Variants in KMT2D observed in about 807,000 individuals in gnomAD.
The protein encoded by KMT2D is lysine methyltransferase 2D, also known as histone-lysine N-methyltransferase 2D.
A neutral mutation model predicts 512.7 loss-of-function variants in KMT2D; 55 were observed. That is an observed-to-expected ratio of 0.11 (90% CI 0.09 to 0.13). The LOEUF (loss-of-function observed/expected upper bound fraction) is 0.13. Among genes scored for constraint, KMT2D ranks in the 10% least tolerant of loss-of-function variants. The pLI, the probability that KMT2D is intolerant of heterozygous loss-of-function variation, is 1.00. For synonymous variants in KMT2D, 2,995 were observed against 2,904.0 expected (o/e 1.03, Z -1.01); for missense variants, 6,061 against 7,127.9 (o/e 0.85, Z 5.39).
In KMT2D at chr12:49,024,943, A is replaced by G. The variant is rs1942501048; in HGVS notation, c.15788T>C (p.Val5263Ala). The G allele has an allele frequency of 6.3e-7, 1 of 1,590,280 alleles. No individual in the cohort carries two copies. Among genetic ancestry groups the G allele is most frequent in the Non-Finnish European group, 8.6e-7 (1 of 1,168,354 alleles). Residue 5263 changes from valine (V) to alanine (A), a missense_variant, in exon 50 of 55, where the codon GTG becomes GCG. Around this residue, in one of 16 missense-constraint regions of KMT2D, gnomAD observed 261 missense variants for 440.7 expected, o/e 0.59. Transcript: ENST00000301067. This position sits in a 1 kb window ranked among gnomAD's most constrained non-coding sequence, Gnocchi z 4.5. ...CACAGGCTCAATGATGCGATTCCAC[A>G]CGGCTAAGAAGCAGGGAAGAGAGCA... ...LVFTDASPQAVWNRIIEPVAA... is the reference protein window; with the variant it reads ...LVFTDASPQAAWNRIIEPVAA...
intron 35 of KMT2D, among the ~76,000 whole-genome samples, chr12:49,036,324 T>G (rs899863923): frequency 6.6e-6 from 1 of 151,754 alleles, no homozygotes; most frequent in Non-Finnish European, 1.5e-5. Context: ...TTTTTTTTTT[T>G]TTTTTAAGAC....
At chr12:49,055,803 G>A (rs969421434) in intron 1 of KMT2D, among the ~76,000 whole-genome samples, 16 of 152,186 alleles carry the variant, frequency 1.1e-4, no homozygotes, top group Non-Finnish European at 5.9e-5. Context: ...TCATGACCCA[G>A]GAAGCCTGAG....
rs771584280 is a variant in KMT2D at position 49,022,715 on chromosome 12, G to A, written c.16213C>T (p.Arg5405Cys). Residue 5405 changes from arginine (R) to cysteine (C), a missense_variant, in exon 52 of 55, where the codon CGT becomes TGT. By Grantham distance (180) the Arg-to-Cys change is radical. Coordinates refer to ENST00000301067, the MANE Select transcript of KMT2D (RefSeq NM_003482.4). This position sits in a 1 kb window ranked among gnomAD's most constrained non-coding sequence, Gnocchi z 8.6. The part of the protein sequence containing the change: ...WKNNVYLARS[R>C]IQGLGLYAAK... ...GCATAGAGCCCCAGGCCCTGGATAC[G>A]GGAGCGAGCCAGGTACACGTTGTTC... is the stretch of plus-strand genomic sequence containing the variant. The A allele has an allele frequency of 7.4e-6, 12 of 1,613,850 alleles. No individual in the cohort carries two copies. Among genetic ancestry groups the A allele is most frequent in the African/African-American group, 6.7e-5 (5 of 74,906 alleles).
rs200116899 is a variant in KMT2D, at chr12:49,051,631, A to G, written c.2052T>C (p.Pro684=). 1 of 1,572,818 alleles carries G rather than the reference A, an allele frequency of 6.4e-7. No homozygotes were observed. The highest frequency in any genetic ancestry group is 8.6e-7 in the Non-Finnish European group (1 of 1,157,218). ...GTGGTGGGGAGAGGCGTGAAGCCTC[A>G]GGTGGAGGGGACGTGGGAGACTCCT... The part of the protein sequence containing the change: ...PPEESPTSPP[P]EASRLSPPPE... Residue 684 remains proline (P), a synonymous_variant, in exon 11 of 55, where the codon CCT becomes CCC. Transcript: ENST00000301067.
At position 49,040,747 on chromosome 12, in the gene KMT2D, C is replaced by G. The variant is rs777737277; in HGVS notation, c.7023G>C (p.Gln2341His). ...GGGGCCTTAGGCCCAAGCCCGGGCT[C>G]TGGGGCTCTACCTGAGATGCCCGAG... Reference protein sequence around the residue: ...LTPRASQVEPQSPGLGLRPQE... With the variant: ...LTPRASQVEPHSPGLGLRPQE... The change falls in exon 32 of 55, where the codon CAG becomes CAC. Residue 2341 changes from glutamine (Q) to histidine (H), a missense_variant. This residue lies in a region of KMT2D where 710 missense variants were observed against 647.3 expected (regional missense o/e 1.10). Transcript: ENST00000301067. The G allele has an allele frequency of 5.6e-6, 9 of 1,613,386 alleles. No individual in the cohort carries two copies. The South Asian group carries it at 9.9e-5, about 18-fold the overall frequency.
In KMT2D at chr12:49,050,468, G is replaced by T. The variant is rs1444834987; in HGVS notation, c.3120C>A (p.Ser1040=). The T allele has an allele frequency of 1.2e-5, 19 of 1,613,852 alleles. No individual in the cohort carries two copies. Among genetic ancestry groups the T allele is most frequent in the Non-Finnish European group, 1.4e-5 (17 of 1,179,766 alleles). Residue 1040 remains serine (S), a synonymous_variant, in exon 12 of 55, where the codon TCC becomes TCA. Coordinates refer to ENST00000301067, the MANE Select transcript of KMT2D (RefSeq NM_003482.4). ...HSLVPQNSPP[S]QCSPPALPLS... ...GTGGTAGGGCAGGAGGAGAGCACTG[G>T]GAAGGAGGGGAGTTTTGGGGAACCA...
Position 49,024,139 on chromosome 12 carries a change from G to C in KMT2D, c.16052+439C>G, listed in dbSNP as rs1443502989. Reference sequence around the variant, plus strand: ...AGTATAAAGTGCTATACAAATGTAAGGTTTTATTATTTTTCTATTATATCT... The same window carrying C: ...AGTATAAAGTGCTATACAAATGTAACGTTTTATTATTTTTCTATTATATCT... On this transcript the variant is annotated intron_variant, in intron 51 of 54. Transcript: ENST00000301067. The surrounding 1 kb of genome is among the most constrained non-coding windows in gnomAD (Gnocchi z 4.5). 2.2e-6 allele frequency: 1 copy of C among 444,740 alleles called. No homozygotes were observed. Among genetic ancestry groups the C allele is most frequent in the Non-Finnish European group, 4.4e-6 (1 of 225,460 alleles). The allele number at this position is 444,740 out of a possible 1,614,324, so 27.5% of individuals were successfully genotyped here.
At chr12:49,036,489 T>C (rs1943223755) in intron 35 of KMT2D, among the ~76,000 whole-genome samples, 1 of 134,012 alleles carries the variant, frequency 7.5e-6, no homozygotes, top group Non-Finnish European at 1.6e-5. Flanking sequence ...TTTTTTTTTT[T>C]TTTTTTTTTT....
At position 49,050,205 on chromosome 12, in the gene KMT2D, A is replaced by C. The variant is rs781178129; in HGVS notation, c.3383T>G (p.Ile1128Ser). 1 of 1,613,624 alleles carries C rather than the reference A, an allele frequency of 6.2e-7. No homozygotes were observed. Among genetic ancestry groups the C allele is most frequent in the African/African-American group, 1.3e-5 (1 of 74,888 alleles). The change falls in exon 12 of 55, where the codon ATT (isoleucine) becomes AGT (serine). Residue 1128 changes from isoleucine (I) to serine (S), a missense_variant. By Grantham distance (142) the Ile-to-Ser change is moderately radical (BLOSUM62 -2). Around this residue, in one of 16 missense-constraint regions of KMT2D, gnomAD observed 447 missense variants for 500.1 expected, o/e 0.89. Coordinates refer to ENST00000301067, the MANE Select transcript of KMT2D (RefSeq NM_003482.4). ...LGEDTAPLDG[I>S]DAPGSQPEPG... ...CTCTGGCTGTGAACCCGGAGCATCA[A>C]TCCCATCCAGAGGGGCTGTGTCTTC...
chr12:49,049,262 A>G, intron 12 of KMT2D, 44 bp from the exon 13 acceptor site: 1 of 1,274,186 alleles, frequency 7.8e-7, no homozygotes, highest in Non-Finnish European at 1.1e-6. Context: ...GTCAAGGGCT[A>G]GTGTGTTGGG....
At position 49,033,327 on chromosome 12, in the gene KMT2D, T is replaced by G. The variant is rs1418290512; in HGVS notation, c.11378A>C (p.Gln3793Pro). The change falls in exon 40 of 55, where the codon CAA (glutamine) becomes CCA (proline). Residue 3793 changes from glutamine to proline, a missense_variant. By Grantham distance (76) the Gln-to-Pro change is moderately conservative (BLOSUM62 -1). Transcript: ENST00000301067. Reference sequence around the variant, plus strand: ...CATGCCCTGGGGCCCCTGGGGTGGTTGAGGGGACAGCTGCTGGACCAGGAG... The same window carrying G: ...CATGCCCTGGGGCCCCTGGGGTGGTGGAGGGGACAGCTGCTGGACCAGGAG... ...QGLLVQQLSP[Q>P]PPQGPQGMLG... 1.3e-6 allele frequency: 2 copies of G among 1,594,258 alleles called. No individual in the cohort carries two copies. The highest frequency in any genetic ancestry group is 3.5e-5 in the Admixed American group (2 of 56,978).
chr12:49,056,025 G>A (rs1416392931), intron 1 of KMT2D, among the ~76,000 whole-genome samples: 1 of 152,164 alleles, frequency 6.6e-6, no homozygotes, highest in Non-Finnish European at 1.5e-5. Flanking sequence ...TGCCCTAACT[G>A]AGCTCAGGGT....
intron 19 of KMT2D, among the ~76,000 whole-genome samples, chr12:49,045,704 C>T (rs1343234276): frequency 1.3e-5 from 2 of 151,698 alleles, no homozygotes; most frequent in Non-Finnish European, 2.9e-5. Flanking sequence ...GACCATGGTG[C>T]CTGATGAAAG....
rs1334613356 is a variant in KMT2D at position 49,033,080 on chromosome 12, A to T, written c.11625T>A (p.His3875Gln). The T allele has an allele frequency of 6.4e-7, 1 of 1,551,200 alleles. No homozygotes were observed. The highest frequency in any genetic ancestry group is 2.0e-5 in the Admixed American group (1 of 50,972). Residue 3875 changes from histidine (H) to glutamine (Q), a missense_variant, in exon 40 of 55, where the codon CAT (histidine) becomes CAA (glutamine). By Grantham distance (24) the His-to-Gln change is conservative. Coordinates refer to ENST00000301067, the MANE Select transcript of KMT2D (RefSeq NM_003482.4). ...QQQGSMAGLS[H>Q]LQQSLMSHSG... is the part of the protein sequence containing the mutation. ...TGTGTGACATCAGACTCTGCTGAAG[A>T]TGGGACAGCCCTGCCATGGACCCTT...
At position 49,021,335 on chromosome 12, in the gene KMT2D, G is replaced by A. The variant is rs561589058; in HGVS notation, c.*445C>T. On this transcript the variant is annotated 3_prime_UTR_variant, in exon 55 of 55. Transcript: ENST00000301067. ...GCAGGCAGGGCCAGGTGTGGGACCC[G>A]GCCTTTGGGATTGTCAAGCTTAGTC... The A allele has an allele frequency of 2.4e-5, 6 of 249,308 alleles. No homozygotes were observed. Among genetic ancestry groups the A allele is most frequent in the African/African-American group, 8.8e-5 (4 of 45,528 alleles). The allele number at this position is 249,308 out of a possible 1,614,324, so 15.4% of individuals were successfully genotyped here. A position where few individuals can be genotyped will look rare whatever the true frequency, so the allele number is the denominator to read the frequency against.
Position 49,044,648 on chromosome 12 carries a change from A to G in KMT2D, c.4963+96T>C. 2 of 1,545,886 alleles carry G rather than the reference A, an allele frequency of 1.3e-6. No homozygotes were observed. The highest frequency in any genetic ancestry group is 1.7e-5 in the Admixed American group (1 of 57,194). ...CACTTAGACGAGACAGCAGTGCTTAAGGGTAACTGAGTGGCAATGTAGCCC... is the reference window on the plus strand; with the variant it reads ...CACTTAGACGAGACAGCAGTGCTTAGGGGTAACTGAGTGGCAATGTAGCCC... On this transcript the variant is annotated intron_variant, in intron 20 of 54. Coordinates refer to ENST00000301067, the MANE Select transcript of KMT2D (RefSeq NM_003482.4). The surrounding 1 kb of genome is among the most constrained non-coding windows in gnomAD (Gnocchi z 6.4).
In KMT2D at chr12:49,049,221, G is replaced by A. The variant is rs1322279452; in HGVS notation, c.3907-3C>T. The A allele has an allele frequency of 6.3e-7, 1 of 1,582,290 alleles. No individual in the cohort carries two copies. Among genetic ancestry groups the A allele is most frequent in the African/African-American group, 1.3e-5 (1 of 74,444 alleles). ...CCTGGGAAACTGCTGCTGCGACCCT[G>A]AGTGAAAGAAGGGGACAATGACAGG... On this transcript the variant is annotated splice_region_variant and splice_polypyrimidine_tract_variant and intron_variant, in intron 12 of 54. Coordinates refer to ENST00000301067, the MANE Select transcript of KMT2D (RefSeq NM_003482.4).
At position 49,040,169 on chromosome 12, in the gene KMT2D, A is replaced by G. The variant is rs1943437497; in HGVS notation, c.7601T>C (p.Met2534Thr). The change falls in exon 32 of 55, where the codon ATG (methionine) becomes ACG (threonine). Residue 2534 changes from methionine (M) to threonine (T), a missense_variant. Met to Thr is a moderately conservative substitution (Grantham distance 81). Around this residue, in one of 16 missense-constraint regions of KMT2D, gnomAD observed 710 missense variants for 647.3 expected, o/e 1.10. Coordinates refer to ENST00000301067, the MANE Select transcript of KMT2D (RefSeq NM_003482.4). ...TGAFVGTPSP[M>T]RFTFPQAVGE... ...TACTGCCTGAGGGAAAGTGAAACGC[A>G]TGGGAGAGGGGGTGCCCACAAATGC... 1.9e-6 allele frequency: 3 copies of G among 1,613,764 alleles called. No individual in the cohort carries two copies. In the East Asian group the frequency reaches 6.7e-5, roughly 36 times the overall value.
chr12:49,032,646 A>G lies in KMT2D; in HGVS notation c.12059T>C (p.Leu4020Pro). 1.2e-6 allele frequency: 2 copies of G among 1,613,806 alleles called. No homozygotes were observed. Among genetic ancestry groups the G allele is most frequent in the Non-Finnish European group, 1.7e-6 (2 of 1,179,842 alleles). The change falls in exon 40 of 55, where the codon CTC becomes CCC. Residue 4020 changes from leucine (L) to proline (P), a missense_variant. Transcript: ENST00000301067. ...GGTGTTTTGTTCCTTGCCCGTCAGG[A>G]GGAGGGTTGGACCCAGGGCTCCAGG... ...SSPGALGPTL[L>P]LTGKEQNTVD...
Sources: gnomAD v4.1 joint callset for allele counts (sites outside exome capture counted in the v4.1 genomes callset) on GRCh38, gnomAD v4.1.1 for gene constraint, gnomAD v4.1.1 regional missense constraint, Gnocchi (gnomAD v3.1) non-coding constraint, MANE v1.5 for transcripts, NCBI Gene and HGNC (gene_info 2026-07-23, HGNC 2026-07-21) for gene names.